Variants in FGD6 observed in about 807,000 individuals in gnomAD.
FGD6 encodes FYVE, RhoGEF and PH domain-containing protein 6.
FGD6 carries 90 observed loss-of-function variants against 149.4 expected under a neutral mutation model. The observed-to-expected ratio is 0.60, with a 90% CI of 0.51 to 0.72. FGD6 has a LOEUF of 0.72. Ranked by LOEUF, FGD6 falls within the 30% of genes least tolerant of loss-of-function variation. The pLI, the probability that FGD6 is intolerant of heterozygous loss-of-function variation, is 0.00. For missense variants in FGD6, 1,437 were observed against 1,684.8 expected (o/e 0.85, Z 2.57); for synonymous variants, 527 against 584.0 (o/e 0.90, Z 1.41).
chr12:95,199,966 G>A (rs1315592316), intron 2 of FGD6, among the ~76,000 whole-genome samples: 3 of 152,038 alleles, frequency 2.0e-5, no homozygotes, highest in Admixed American at 1.3e-4. Context: ...AGGGAAGGTG[G>A]GGATAAGCTA....
intron 14 of FGD6, among the ~76,000 whole-genome samples, chr12:95,097,422 C>T (rs202120246): frequency 2.0e-5 from 3 of 151,768 alleles, no homozygotes; most frequent in Non-Finnish European, 4.4e-5. Flanking sequence ...GATCACCTGA[C>T]GTCAGGAGTT....
In FGD6 at chr12:95,211,343, TTTTTTA is replaced by T; in HGVS notation, c.17-82_17-77del. 6 of 1,479,216 alleles carry T rather than the reference TTTTTTA, an allele frequency of 4.1e-6. No homozygotes were observed. In the East Asian group the frequency reaches 9.2e-5, roughly 23 times the overall value. The allele number at this position is 1,479,216 out of a possible 1,614,324, so 91.6% of individuals were successfully genotyped here. ...TGATACATGATTAAATCTGATAGCATTTTTTATTTTTAACAATATGACCTTGCCTTT... is the reference window on the plus strand; with the variant it reads ...TGATACATGATTAAATCTGATAGCATTTTTTAACAATATGACCTTGCCTTT... On this transcript the variant is annotated intron_variant, in intron 1 of 20. Transcript: ENST00000343958.
In FGD6 at chr12:95,085,847, T is replaced by G. The variant is rs779494799; in HGVS notation, c.4040A>C (p.Lys1347Thr). 50 of 1,613,902 alleles carry G rather than the reference T, an allele frequency of 3.1e-5. No individual in the cohort carries two copies. The highest frequency in any genetic ancestry group is 4.2e-5 in the Non-Finnish European group (49 of 1,179,982). Residue 1347 changes from lysine (K) to threonine (T), a missense_variant, in exon 19 of 21, where the codon AAA (lysine) becomes ACA (threonine). Lys to Thr is a moderately conservative substitution (Grantham distance 78). Transcript: ENST00000343958. ...AAACCAAAAGTGTTTCCAGGGTTTT[T>G]TATTGCCCTTTGATCTGTACAAGTA... ...SGYLYRSKGNKKPWKHFWFVI... is the reference protein window; with the variant it reads ...SGYLYRSKGNTKPWKHFWFVI...
chr12:95,103,676 A>G (rs1383592535), intron 14 of FGD6, among the ~76,000 whole-genome samples: 1 of 152,164 alleles, frequency 6.6e-6, no homozygotes, highest in Non-Finnish European at 1.5e-5. Flanking sequence ...CTGGGATCAT[A>G]GGCACATGCC....
rs1309038170 is a variant in FGD6 at position 95,141,517 on chromosome 12, T to A, written c.2708A>T (p.His903Leu). The A allele has an allele frequency of 6.2e-7, 1 of 1,613,952 alleles. No homozygotes were observed. ...TGGTTTCCCAAGTTGCCTGGAAGCATGAGCTACTGCATCCCGGAAATCCTA... is the reference window on the plus strand; with the variant it reads ...TGGTTTCCCAAGTTGCCTGGAAGCAAGAGCTACTGCATCCCGGAAATCCTA... Reference protein sequence around the residue: ...LHIDFRDAVAHASRQLGKPVI... With the variant: ...LHIDFRDAVALASRQLGKPVI... Residue 903 changes from histidine (H) to leucine (L), a missense_variant, in exon 6 of 21, where the codon CAT becomes CTT. By Grantham distance (99) the His-to-Leu change is moderately conservative (BLOSUM62 -3). This residue lies in a region of FGD6 where 1,055 missense variants were observed against 1,146.0 expected (regional missense o/e 0.92). Coordinates refer to ENST00000343958, the MANE Select transcript of FGD6 (RefSeq NM_018351.4).
intron 6 of FGD6, among the ~76,000 whole-genome samples, chr12:95,138,246 A>AACTC (rs767370417): frequency 0.019 from 2,748 of 143,628 alleles, 93 homozygotes; most frequent in African/African-American, 0.06. Context: ...ATAAATAAAT[A>AACTC]ACTCACTCAC....
chr12:95,129,541 GAT>G (rs1409069644), intron 8 of FGD6, among the ~76,000 whole-genome samples: 1 of 152,194 alleles, frequency 6.6e-6, no homozygotes, highest in Non-Finnish European at 1.5e-5. Context: ...GAAAGAAGAA[GAT>G]AAGTAAAAGT....
intron 2 of FGD6, among the ~76,000 whole-genome samples, chr12:95,173,333 G>C (rs139429617): frequency 1.3e-5 from 2 of 152,164 alleles, no homozygotes; most frequent in African/African-American, 4.8e-5. Flanking sequence ...TGCTGCATTA[G>C]AACTACGAGG....
chr12:95,183,433 T>A (rs943710997), intron 2 of FGD6, among the ~76,000 whole-genome samples: 1 of 152,194 alleles, frequency 6.6e-6, no homozygotes, highest in Admixed American at 6.5e-5. Context: ...AGGCTGGGAC[T>A]ACATGTGAAT....
chr12:95,213,430 T>C (rs998291852), intron 1 of FGD6, among the ~76,000 whole-genome samples: 10 of 152,132 alleles, frequency 6.6e-5, no homozygotes, highest in African/African-American at 2.2e-4. Flanking sequence ...ACAAAAAAAA[T>C]AGTTTCGTAA....
chr12:95,110,361 A>T (rs933432183), intron 9 of FGD6, among the ~76,000 whole-genome samples: 4 of 140,862 alleles, frequency 2.8e-5, no homozygotes, highest in East Asian at 2.1e-4. Flanking sequence ...ATATATCAGA[A>T]TTTTTTTTTT....
intron 14 of FGD6, among the ~76,000 whole-genome samples, chr12:95,101,733 A>G (rs1174415618): frequency 3.3e-5 from 4 of 120,948 alleles, no homozygotes; most frequent in Non-Finnish European, 4.7e-5. Context: ...GCCAGGTTGG[A>G]GTGCAGTGGT....
At position 95,210,903 on chromosome 12, in the gene FGD6, A is replaced by G. The variant is rs779248504; in HGVS notation, c.381T>C (p.Cys127=). 1.2e-6 allele frequency: 2 copies of G among 1,613,680 alleles called. No individual in the cohort carries two copies. The highest frequency in any genetic ancestry group is 1.7e-6 in the Non-Finnish European group (2 of 1,179,946). ...GGGGCTCTAAAACAAGCTGCTTTAC[A>G]CACAAATTCTCTCTATGGCCCAGCT... is the stretch of plus-strand genomic sequence containing the variant. ...IHKLGHRENL[C]VKQLVLEPLE... The change falls in exon 2 of 21, where the codon TGT becomes TGC. Residue 127 remains cysteine, a synonymous_variant. Transcript: ENST00000343958.
At position 95,209,679 on chromosome 12, in the gene FGD6, A is replaced by T. The variant is rs748982798; in HGVS notation, c.1605T>A (p.Ser535Arg). 3 of 1,613,026 alleles carry T rather than the reference A, an allele frequency of 1.9e-6. No homozygotes were observed. The East Asian group carries it at 6.7e-5, about 36-fold the overall frequency. Residue 535 changes from serine to arginine, a missense_variant, in exon 2 of 21, where the codon AGT becomes AGA. Transcript: ENST00000343958. The stretch of plus-strand genomic sequence containing the variant: ...AATGCTGAAGGTGATTTCTTTCTAG[A>T]CTCTTCTCTGAACTTTTTTCTTCAC... ...PSSEEKSSEK[S>R]LERNHLQHLC...
At chr12:95,155,454 G>C (rs1440991346) in intron 3 of FGD6, among the ~76,000 whole-genome samples, 1 of 152,154 alleles carries the variant, frequency 6.6e-6, no homozygotes, top group Non-Finnish European at 1.5e-5. Context: ...CTTGAACCTG[G>C]GAGGTGGAGG....
At chr12:95,202,365 C>T (rs964729637) in intron 2 of FGD6, among the ~76,000 whole-genome samples, 8 of 119,950 alleles carry the variant, frequency 6.7e-5, no homozygotes, top group Admixed American at 1.6e-4. Context: ...CCAGCCTGGG[C>T]GACACAGTGA....
At chr12:95,144,056 C>T (rs950734506) in intron 5 of FGD6, among the ~76,000 whole-genome samples, 3 of 152,178 alleles carry the variant, frequency 2.0e-5, no homozygotes, top group African/African-American at 7.2e-5. Flanking sequence ...CAGCTTTTGC[C>T]AGACCCTGCA....
At chr12:95,215,676 C>T (rs2056749766) in intron 1 of FGD6, among the ~76,000 whole-genome samples, 1 of 152,122 alleles carries the variant, frequency 6.6e-6, no homozygotes. Flanking sequence ...TGATAAAATA[C>T]AAAAATAGCT....
In FGD6 at chr12:95,096,750, G is replaced by A. The variant is rs897735696; in HGVS notation, c.3498-2056C>T. 3.3e-5 allele frequency among the ~76,000 whole-genome samples: 5 copies of A among 152,192 alleles called. No homozygotes were observed. In the East Asian group the frequency reaches 7.7e-4, roughly 23 times the overall value. On this transcript the variant is annotated intron_variant, in intron 14 of 20. Transcript: ENST00000343958. The stretch of plus-strand genomic sequence containing the variant: ...TTGATAATTTGCTTTATAGACAACA[G>A]ACTAAGTGATGAGCTGTTATTAAAC...
Sources: allele counts gnomAD v4.1 joint callset (sites outside exome capture counted in the v4.1 genomes callset), GRCh38; gene constraint gnomAD v4.1.1; regional missense constraint gnomAD v4.1.1; transcripts MANE v1.5; gene names NCBI Gene and HGNC (gene_info 2026-07-23, HGNC 2026-07-21).